Variants in GALNT13 observed in about 807,000 individuals in gnomAD.
GALNT13 encodes UDP-GalNAc:polypeptide N-acetylgalactosaminyltransferase 13.
In GALNT13, 28 loss-of-function variants were observed where a neutral mutation model predicts 64.2. The ratio of observed to expected loss-of-function variants is 0.44; its 90% CI spans 0.32 to 0.60. The LOEUF (loss-of-function observed/expected upper bound fraction) is 0.60, where lower values mean the gene tolerates loss of function less well. Ranked by LOEUF, GALNT13 falls within the 20% of genes least tolerant of loss-of-function variation. GALNT13 has a pLI of 0.05. For missense variants in GALNT13, 577 were observed against 669.8 expected (o/e 0.86, Z 1.53); for synonymous variants, 214 against 224.6 (o/e 0.95, Z 0.42).
the GALNT13 span, among the ~76,000 whole-genome samples, chr2:153,452,601 A>G: frequency 6.6e-6 from 1 of 152,002 alleles, no homozygotes. Context: ...ATCATAATAG[A>G]ATGATAGTCT....
At chr2:153,430,582 G>A in the GALNT13 span, among the ~76,000 whole-genome samples, 1 of 149,894 alleles carries the variant, frequency 6.7e-6, no homozygotes, top group Non-Finnish European at 1.5e-5. Flanking sequence ...ATTTCAGGGG[G>A]ATCACAGATC....
the GALNT13 span, among the ~76,000 whole-genome samples, chr2:153,209,976 A>G: frequency 6.6e-6 from 1 of 152,100 alleles, no homozygotes; most frequent in Non-Finnish European, 1.5e-5. Context: ...TGTTTTTAGT[A>G]TATAATTATA....
chr2:153,222,352 A>G, the GALNT13 span, among the ~76,000 whole-genome samples: 1 of 24,226 alleles, frequency 4.1e-5, no homozygotes, highest in Non-Finnish European at 7.6e-5. Flanking sequence ...GGTTGGGCTT[A>G]TAGGCTTAGA....
At chr2:153,798,299 A>G in the GALNT13 span, among the ~76,000 whole-genome samples, 3 of 152,336 alleles carry the variant, frequency 2.0e-5, no homozygotes, top group East Asian at 3.9e-4. Flanking sequence ...TTAGTTTCCA[A>G]TTAAATATTT....
chr2:154,018,667 G>T (rs1318352537), intron 3 of GALNT13, among the ~76,000 whole-genome samples: 1 of 151,530 alleles, frequency 6.6e-6, no homozygotes, highest in Non-Finnish European at 1.5e-5. Flanking sequence ...TGATGAAGAG[G>T]GTGAGGGGCT....
intron 9 of GALNT13, among the ~76,000 whole-genome samples, chr2:154,344,898 A>T (rs1175942485): frequency 7.9e-5 from 12 of 151,982 alleles, no homozygotes; most frequent in Non-Finnish European, 5.9e-5. Flanking sequence ...TGTTGATGGG[A>T]TCTATGCCCA....
intron 3 of GALNT13, among the ~76,000 whole-genome samples, chr2:154,047,860 C>T (rs750112007): frequency 1.2e-4 from 18 of 152,116 alleles, no homozygotes; most frequent in Admixed American, 5.2e-4. Flanking sequence ...AGTTTAACAG[C>T]GTCTATAAAG....
chr2:153,937,014 G>A (rs1443417679), intron 2 of GALNT13, among the ~76,000 whole-genome samples: 2 of 152,076 alleles, frequency 1.3e-5, no homozygotes, highest in Non-Finnish European at 2.9e-5. Flanking sequence ...ACCGTGCCTG[G>A]CCATTAAATT....
At chr2:153,426,930 A>T in the GALNT13 span, among the ~76,000 whole-genome samples, 7 of 152,080 alleles carry the variant, frequency 4.6e-5, no homozygotes, top group African/African-American at 1.7e-4. Context: ...ATTTTATTGG[A>T]AATTTTTGTT....
At chr2:153,102,993 C>G in the GALNT13 span, among the ~76,000 whole-genome samples, 3 of 152,136 alleles carry the variant, frequency 2.0e-5, no homozygotes, top group Admixed American at 2.0e-4. Flanking sequence ...AAGCACAGCC[C>G]AGGGTATTAA....
At chr2:154,282,317 A>G (rs1692004590) in intron 8 of GALNT13, among the ~76,000 whole-genome samples, 1 of 152,170 alleles carries the variant, frequency 6.6e-6, no homozygotes, top group Non-Finnish European at 1.5e-5. Flanking sequence ...TTATAGTCTC[A>G]GCTCCTTTAT....
the GALNT13 span, among the ~76,000 whole-genome samples, chr2:153,497,015 A>G: frequency 1.4e-5 from 2 of 147,978 alleles, no homozygotes. Context: ...AAAAAAAAAG[A>G]AAAAAGAAAA....
At chr2:154,136,581 TATG>T (rs1163343662) in intron 3 of GALNT13, among the ~76,000 whole-genome samples, 2 of 152,176 alleles carry the variant, frequency 1.3e-5, no homozygotes, top group South Asian at 2.1e-4. Context: ...TTGTTTATAA[TATG>T]ATCATCTTCT....
At chr2:153,929,457 A>T (rs867410981) in intron 2 of GALNT13, among the ~76,000 whole-genome samples, 1 of 152,286 alleles carries the variant, frequency 6.6e-6, no homozygotes, top group Middle Eastern at 3.4e-3. Context: ...AGGTAATGAG[A>T]ATAGTACACA....
At chr2:154,340,485 G>A (rs953423019) in intron 9 of GALNT13, among the ~76,000 whole-genome samples, 11 of 152,064 alleles carry the variant, frequency 7.2e-5, no homozygotes, top group African/African-American at 1.9e-4. Flanking sequence ...TCTTGATGAT[G>A]ACTTCAATTT....
intron 9 of GALNT13, among the ~76,000 whole-genome samples, chr2:154,359,852 G>A (rs1281495779): frequency 1.3e-5 from 2 of 152,076 alleles, no homozygotes; most frequent in Non-Finnish European, 2.9e-5. Flanking sequence ...CTGCTCCTCA[G>A]TAAAATGAAT....
intron 11 of GALNT13, among the ~76,000 whole-genome samples, chr2:154,416,596 A>G (rs1407493211): frequency 6.6e-6 from 1 of 152,198 alleles, no homozygotes; most frequent in Non-Finnish European, 1.5e-5. Context: ...TAGGTAGTAT[A>G]TGACTAAGGG....
the GALNT13 span, among the ~76,000 whole-genome samples, chr2:153,485,087 G>A: frequency 2.0e-5 from 3 of 152,188 alleles, no homozygotes; most frequent in Non-Finnish European, 4.4e-5. Context: ...TAGTATTGTA[G>A]TGGACAAATT....
the GALNT13 span, among the ~76,000 whole-genome samples, chr2:153,237,764 G>T: frequency 6.6e-6 from 1 of 151,926 alleles, no homozygotes; most frequent in South Asian, 2.1e-4. Context: ...CCAAATCTTG[G>T]TTATTGAGAA....
Sources: gnomAD v4.1 joint callset for allele counts (sites outside exome capture counted in the v4.1 genomes callset) on GRCh38, gnomAD v4.1.1 for gene constraint, MANE v1.5 for transcripts, NCBI Gene and HGNC (gene_info 2026-07-23, HGNC 2026-07-21) for gene names.